Variants in OMA1 observed in about 807,000 individuals in gnomAD.
OMA1 encodes the protein metalloendopeptidase OMA1, mitochondrial.
In OMA1, 38 loss-of-function variants were observed where a neutral mutation model predicts 30.9. The observed-to-expected ratio is 1.23, with a 90% CI of 0.95 to 1.61. OMA1 has a LOEUF of 1.61. Among genes scored for constraint, OMA1 ranks in the 40% most tolerant of loss-of-function variants. The pLI, the probability that OMA1 is intolerant of heterozygous loss-of-function variation, is 0.00. For missense variants in OMA1, 461 were observed against 349.2 expected (o/e 1.32, Z -2.55); for synonymous variants, 173 against 121.9 (o/e 1.42, Z -2.76).
At chr1:58,488,054 T>C (rs1645606882) in intron 8 of OMA1, among the ~76,000 whole-genome samples, 1 of 152,210 alleles carries the variant, frequency 6.6e-6, no homozygotes, top group South Asian at 2.1e-4. Context: ...GAGACATTTA[T>C]AGTTCTATAT....
rs1645469349 is a variant in OMA1 at position 58,480,925 on chromosome 1, G to A, written c.*40C>T. ...AAAGTAACATAAAATGATAAGGACT[G>A]CAACATTCTTCATATATCTTGTGTC... On this transcript the variant is annotated 3_prime_UTR_variant, in exon 9 of 9. Transcript: ENST00000371226. The A allele has an allele frequency of 1.2e-6, 1 of 826,312 alleles. No individual in the cohort carries two copies. Among genetic ancestry groups the A allele is most frequent in the Non-Finnish European group, 2.1e-6 (1 of 481,714 alleles). 51.2% of individuals were successfully genotyped at this position (826,312 alleles called of 1,614,324 possible).
intron 8 of OMA1, among the ~76,000 whole-genome samples, chr1:58,487,437 G>A (rs1569869633): frequency 6.6e-6 from 1 of 152,238 alleles, no homozygotes; most frequent in East Asian, 1.9e-4. Context: ...TAAAGTTATT[G>A]TTTTTATCAA....
At chr1:58,528,585 A>G (rs531607482) in intron 6 of OMA1, among the ~76,000 whole-genome samples, 2 of 152,286 alleles carry the variant, frequency 1.3e-5, no homozygotes, top group East Asian at 1.9e-4. Context: ...CATCTAGGGA[A>G]TGGGGGTCAG....
At chr1:58,534,134 A>G in intron 4 of OMA1, 24 bp downstream of exon 4, 1 of 868,218 alleles carries the variant, frequency 1.2e-6, no homozygotes, top group Non-Finnish European at 2.0e-6. Flanking sequence ...AACAATTACA[A>G]TGCGTTTGAG....
intron 2 of OMA1, 87 bp from the exon 3 acceptor site, chr1:58,536,828 C>T: frequency 1.4e-6 from 1 of 714,626 alleles, no homozygotes; most frequent in Non-Finnish European, 2.5e-6. Context: ...AATTTTACGT[C>T]CTCAAATACC....
In OMA1 at chr1:58,539,235, A is replaced by G. The variant is rs761998419; in HGVS notation, c.60T>C (p.Asn20=). 2 of 871,008 alleles carry G rather than the reference A, an allele frequency of 2.3e-6. No individual in the cohort carries two copies. The highest frequency in any genetic ancestry group is 2.6e-5 in the South Asian group (2 of 75,806). The allele number at this position is 871,008 out of a possible 1,614,324, so 54.0% of individuals were successfully genotyped here. Residue 20 remains asparagine (N), a synonymous_variant, in exon 2 of 9, where the codon AAT becomes AAC. Transcript: ENST00000371226. ...TACATTTTCTCCAGTTAGACAGTGA[A>G]TTAAATCGGAAGAAAACATGGTTTC... ...AARNHVFFRF[N]SLSNWRKCNT...
intron 1 of OMA1, among the ~76,000 whole-genome samples, chr1:58,544,246 C>A (rs1452101205): frequency 6.6e-6 from 1 of 152,080 alleles, no homozygotes; most frequent in African/African-American, 2.4e-5. Flanking sequence ...GTATTTTTGA[C>A]CTCTGAACTG....
Position 58,480,882 on chromosome 1 carries a change from TCAAA to T in OMA1, c.*79_*82del. On this transcript the variant is annotated 3_prime_UTR_variant, in exon 9 of 9. Coordinates refer to ENST00000371226, the MANE Select transcript of OMA1 (RefSeq NM_145243.5). The stretch of plus-strand genomic sequence containing the variant: ...CCTGAATATCCTTTTTTTTTTCACT[TCAAA>T]CATCATTTTTTAAAAAGTAACATAA... 1.4e-6 allele frequency: 1 copy of T among 719,614 alleles called. No individual in the cohort carries two copies. The highest frequency in any genetic ancestry group is 2.3e-6 in the Non-Finnish European group (1 of 429,930). 44.6% of individuals were successfully genotyped at this position (719,614 alleles called of 1,614,324 possible).
chr1:58,496,384 G>T (rs1645802736), intron 8 of OMA1, among the ~76,000 whole-genome samples: 1 of 152,162 alleles, frequency 6.6e-6, no homozygotes, highest in Admixed American at 6.5e-5. Context: ...GTCACTTTCA[G>T]TGCAGTTAAA....
intron 1 of OMA1, among the ~76,000 whole-genome samples, chr1:58,541,309 A>G (rs1440272718): frequency 1.7e-5 from 2 of 115,652 alleles, no homozygotes; most frequent in African/African-American, 7.3e-5. Flanking sequence ...AAAAAAAAAA[A>G]AAAAAAAAAA....
intron 1 of OMA1, among the ~76,000 whole-genome samples, chr1:58,546,426 G>A (rs1052738409): frequency 2.6e-5 from 4 of 152,138 alleles, no homozygotes; most frequent in Non-Finnish European, 5.9e-5. Context: ...CGGGGTCACC[G>A]GCGTGCCCCG....
At chr1:58,515,841 T>C (rs371945674) in intron 7 of OMA1, among the ~76,000 whole-genome samples, 1 of 152,210 alleles carries the variant, frequency 6.6e-6, no homozygotes, top group African/African-American at 2.4e-5. Flanking sequence ...ATCTGTAAAA[T>C]GAGAAGGTAG....
At chr1:58,536,211 C>T (rs919882152) in intron 3 of OMA1, among the ~76,000 whole-genome samples, 1 of 152,076 alleles carries the variant, frequency 6.6e-6, no homozygotes, top group African/African-American at 2.4e-5. Context: ...AAGGATACCT[C>T]CTAGGGCCTG....
At chr1:58,522,965 T>G (rs1646290665) in intron 7 of OMA1, among the ~76,000 whole-genome samples, 1 of 152,148 alleles carries the variant, frequency 6.6e-6, no homozygotes, top group Non-Finnish European at 1.5e-5. Context: ...AAGGCAGGCA[T>G]AATCAGTGTA....
intron 2 of OMA1, among the ~76,000 whole-genome samples, chr1:58,538,246 T>A (rs1646548668): frequency 6.6e-6 from 1 of 152,022 alleles, no homozygotes; most frequent in Non-Finnish European, 1.5e-5. Flanking sequence ...AATATTATTA[T>A]AAAGGATCAC....
chr1:58,490,793 T>C (rs1286892984), intron 8 of OMA1, among the ~76,000 whole-genome samples: 1 of 114,884 alleles, frequency 8.7e-6, no homozygotes, highest in African/African-American at 3.8e-5. Flanking sequence ...ATAGTCAACA[T>C]TCTTTTTTTT....
intron 7 of OMA1, among the ~76,000 whole-genome samples, chr1:58,513,962 G>A (rs977219673): frequency 6.6e-6 from 1 of 152,168 alleles, no homozygotes; most frequent in Non-Finnish European, 1.5e-5. Flanking sequence ...CAATAATTTA[G>A]TCTCTAGGAG....
At chr1:58,492,413 A>G (rs567881406) in intron 8 of OMA1, among the ~76,000 whole-genome samples, 3 of 150,864 alleles carry the variant, frequency 2.0e-5, no homozygotes, top group African/African-American at 7.3e-5. Context: ...AATAACTAAG[A>G]TCAGAGCAGA....
chr1:58,545,530 A>T (rs529615996), intron 1 of OMA1, among the ~76,000 whole-genome samples: 1 of 152,296 alleles, frequency 6.6e-6, no homozygotes, highest in Non-Finnish European at 1.5e-5. Flanking sequence ...ATCAGGGCTG[A>T]CATATTCTCT....
Sources: allele counts gnomAD v4.1 joint callset (sites outside exome capture counted in the v4.1 genomes callset), GRCh38; gene constraint gnomAD v4.1.1; transcripts MANE v1.5; gene names NCBI Gene and HGNC (gene_info 2026-07-23, HGNC 2026-07-21).